Variants in DNAI1 observed in about 807,000 individuals in gnomAD.
The protein encoded by DNAI1 is dynein axonemal intermediate chain 1.
Under a neutral mutation model 92.0 loss-of-function variants are expected in DNAI1, and 67 were observed. The ratio of observed to expected loss-of-function variants is 0.73; its 90% confidence interval spans 0.60 to 0.89. DNAI1 has a LOEUF of 0.89. Ranked by LOEUF, DNAI1 falls within the 40% of genes least tolerant of loss-of-function variation. The probability of loss-of-function intolerance (pLI) is 0.00; values close to 1 mark genes in which losing one functional copy is unlikely to be tolerated. For synonymous variants in DNAI1, 323 were observed against 319.6 expected (o/e 1.01, Z -0.11); for missense variants, 839 against 866.6 (o/e 0.97, Z 0.40).
intron 12 of DNAI1, among the ~76,000 whole-genome samples, chr9:34,505,469 T>C (rs1824908180): frequency 6.6e-6 from 1 of 152,196 alleles, no homozygotes; most frequent in African/African-American, 2.4e-5. Context: ...CTTAATCAAA[T>C]CTGCAGAATC....
In DNAI1 at chr9:34,491,042, C is replaced by T. The variant is rs550437217; in HGVS notation, c.622-453C>T. The stretch of plus-strand genomic sequence containing the variant: ...CAGTGCCTCATCACCCTGTGTGGTC[C>T]CTATGCTAACATTTGGTAATCTGGG... On this transcript the variant is annotated intron_variant, in intron 7 of 19. Coordinates refer to ENST00000242317, the MANE Select transcript of DNAI1 (RefSeq NM_012144.4). 2.6e-5 allele frequency among the ~76,000 whole-genome samples: 4 copies of T among 152,240 alleles called. No individual in the cohort carries two copies. In the South Asian group the frequency reaches 8.3e-4, roughly 32 times the overall value.
In DNAI1 at chr9:34,485,347, T is replaced by C. The variant is rs543180295; in HGVS notation, c.181-90T>C. 1.6e-5 allele frequency: 25 copies of C among 1,587,416 alleles called. No individual in the cohort carries two copies. In the African/African-American group the frequency reaches 3.1e-4, roughly 20 times the overall value. On this transcript the variant is annotated intron_variant, in intron 3 of 19. Transcript: ENST00000242317. ...GCTTGCCCAGAACCTGGGTGTGAGA[T>C]GTCTGCTGATACTCTGAGGGATCCT...
chr9:34,465,287 T>A lies in DNAI1; in HGVS notation c.48+6234T>A, dbSNP rs111510271. Reference sequence around the variant, plus strand: ...AGAAGTTGAAGATAAAGGAGAAAGATTAAATAATGACTAGAGCCAAGTCTC... The same window carrying A: ...AGAAGTTGAAGATAAAGGAGAAAGAATAAATAATGACTAGAGCCAAGTCTC... On this transcript the variant is annotated intron_variant, in intron 1 of 19. Transcript: ENST00000242317. 3.3e-3 allele frequency among the ~76,000 whole-genome samples: 509 copies of A among 152,186 alleles called. 2 individuals carry two copies. Among genetic ancestry groups the A allele is most frequent in the African/African-American group, 0.012 (483 of 41,490 alleles).
At chr9:34,473,979 A>G (rs1824190991) in intron 1 of DNAI1, among the ~76,000 whole-genome samples, 1 of 151,834 alleles carries the variant, frequency 6.6e-6, no homozygotes, top group Admixed American at 6.6e-5. Flanking sequence ...CCTCCTGCCT[A>G]GGTCTCCCAA....
intron 1 of DNAI1, among the ~76,000 whole-genome samples, chr9:34,481,646 C>T (rs1824357384): frequency 6.6e-6 from 1 of 152,158 alleles, no homozygotes; most frequent in African/African-American, 2.4e-5. Context: ...TTTCTTCCTT[C>T]TGGTGGGTTC....
At position 34,517,368 on chromosome 9, in the gene DNAI1, C is replaced by T. The variant is rs139197229; in HGVS notation, c.1902C>T (p.His634=). The T allele has an allele frequency of 2.7e-4, 441 of 1,614,176 alleles. 2 individuals carry two copies. The African/African-American group carries it at 5.2e-3, about 19-fold the overall frequency. The stretch of plus-strand genomic sequence containing the variant: ...CGGCCAAAAAGAACAGGCTCACCCA[C>T]GTGCAGTTCAATCTCATCCACCCCA... ...PVAAKKNRLT[H]VQFNLIHPII... Residue 634 remains histidine (H), a synonymous_variant, in exon 19 of 20, where the codon CAC becomes CAT. Coordinates refer to ENST00000242317, the MANE Select transcript of DNAI1 (RefSeq NM_012144.4).
intron 19 of DNAI1, among the ~76,000 whole-genome samples, chr9:34,518,112 C>T (rs1825205558): frequency 1.3e-5 from 2 of 152,230 alleles, no homozygotes; most frequent in South Asian, 4.1e-4. Context: ...CTTTGCAGCC[C>T]GGGCCTTGGA....
At chr9:34,520,602 A>G (rs1587096815) in intron 19 of DNAI1, 56 bp from the exon 20 acceptor site, 1 of 1,484,754 alleles carries the variant, frequency 6.7e-7, no homozygotes, top group African/African-American at 1.4e-5. Context: ...TGGTGCTGGG[A>G]CCCAGAGAGG....
chr9:34,490,205 A>C, intron 6 of DNAI1, 81 bp downstream of exon 6: 1 of 1,612,246 alleles, frequency 6.2e-7, no homozygotes, highest in Non-Finnish European at 8.5e-7. Context: ...TTGGGAAAGG[A>C]GGAGGGAGAC....
chr9:34,486,987 T>C (rs1275700978), intron 4 of DNAI1, among the ~76,000 whole-genome samples: 1 of 152,262 alleles, frequency 6.6e-6, no homozygotes, highest in Non-Finnish European at 1.5e-5. Flanking sequence ...TTCACTTGTA[T>C]GAATATACTA....
rs554634087 is a variant in DNAI1, at chr9:34,475,091, T to G, written c.49-8357T>G. Reference sequence around the variant, plus strand: ...CACTTATTGAGTGCCTTCTGTGTGCTTTAGACACTGCACTAGGCTCAGAGA... The same window carrying G: ...CACTTATTGAGTGCCTTCTGTGTGCGTTAGACACTGCACTAGGCTCAGAGA... On this transcript the variant is annotated intron_variant, in intron 1 of 19. Coordinates refer to ENST00000242317, the MANE Select transcript of DNAI1 (RefSeq NM_012144.4). 4.7e-4 allele frequency among the ~76,000 whole-genome samples: 71 copies of G among 152,352 alleles called. 1 individual carries two copies. Among genetic ancestry groups the G allele is most frequent in the Middle Eastern group, 3.4e-3 (1 of 294 alleles).
rs558614671 is a variant in DNAI1 at position 34,463,673 on chromosome 9, T to TA, written c.48+4630dup. ...CTCTTTATAACTCAGTTGGTTACCA[T>TA]AAAAAAAAAATCAAAGTCTGGAATT... On this transcript the variant is annotated intron_variant, in intron 1 of 19. Transcript: ENST00000242317. 4.9e-3 allele frequency among the ~76,000 whole-genome samples: 728 copies of TA among 149,550 alleles called. 3 individuals carry two copies. Among genetic ancestry groups the TA allele is most frequent in the South Asian group, 9.3e-3 (44 of 4,732 alleles).
At chr9:34,470,765 G>C (rs917459471) in intron 1 of DNAI1, among the ~76,000 whole-genome samples, 7 of 152,290 alleles carry the variant, frequency 4.6e-5, no homozygotes, top group Non-Finnish European at 1.0e-4. Flanking sequence ...AAGAACAGTA[G>C]AATGAAAACT....
At chr9:34,465,447 T>A (rs947692137) in intron 1 of DNAI1, among the ~76,000 whole-genome samples, 1 of 152,228 alleles carries the variant, frequency 6.6e-6, no homozygotes, top group Admixed American at 6.5e-5. Context: ...CCCCTAGTTG[T>A]GTTAATGGAA....
At chr9:34,492,493 G>GAGATATATATAT (rs1271867592) in intron 8 of DNAI1, among the ~76,000 whole-genome samples, 1,614 of 68,214 alleles carry the variant, frequency 0.024, 162 homozygotes, top group Non-Finnish European at 0.036. Context: ...GGGATATGAA[G>GAGATATATATAT]ATATATATAT....
At chr9:34,501,039 C>T in intron 11 of DNAI1, 99 bp from the exon 12 acceptor site, 1 of 1,088,106 alleles carries the variant, frequency 9.2e-7, no homozygotes. Flanking sequence ...GAACAGATGT[C>T]TGTAGTATAT....
At chr9:34,471,507 A>G (rs991887040) in intron 1 of DNAI1, among the ~76,000 whole-genome samples, 1 of 148,340 alleles carries the variant, frequency 6.7e-6, no homozygotes, top group African/African-American at 2.5e-5. Context: ...CAGTGGCTCA[A>G]GCCTGTAATC....
Position 34,517,170 on chromosome 9 carries a change from T to C in DNAI1, c.1819-115T>C, listed in dbSNP as rs956557792. 2.7e-6 allele frequency: 3 copies of C among 1,109,704 alleles called. No homozygotes were observed. The African/African-American group carries it at 4.7e-5, about 17-fold the overall frequency. 68.7% of individuals were successfully genotyped at this position (1,109,704 alleles called of 1,614,324 possible). A position where few individuals can be genotyped will look rare whatever the true frequency, so the allele number is the denominator to read the frequency against. On this transcript the variant is annotated intron_variant, in intron 18 of 19. Coordinates refer to ENST00000242317, the MANE Select transcript of DNAI1 (RefSeq NM_012144.4). ...CCCCTCCCTCCACCTCCAGCTCCAG[T>C]GTGCTAGCCATTAGCCTTCTACAGT...
chr9:34,510,309 A>G (rs1342327014), intron 13 of DNAI1, among the ~76,000 whole-genome samples: 1 of 152,192 alleles, frequency 6.6e-6, no homozygotes, highest in Non-Finnish European at 1.5e-5. Context: ...AGCTCTGTGC[A>G]GGCCCTACTG....
Sources: allele counts gnomAD v4.1 joint callset (sites outside exome capture counted in the v4.1 genomes callset), GRCh38; gene constraint gnomAD v4.1.1; transcripts MANE v1.5; gene names NCBI Gene and HGNC (gene_info 2026-07-23, HGNC 2026-07-21).